Variants in UBE3C observed in about 807,000 individuals in gnomAD.
The protein encoded by UBE3C is ubiquitin protein ligase E3C.
Under a neutral mutation model 129.4 loss-of-function variants are expected in UBE3C, and 42 were observed. That is an observed-to-expected ratio of 0.32 (90% confidence interval 0.25 to 0.42). The LOEUF is 0.42. Among genes scored for constraint, UBE3C ranks in the 10% least tolerant of loss-of-function variants. The pLI is 1.00. For synonymous variants in UBE3C, 510 were observed against 492.4 expected (o/e 1.04, Z -0.47); for missense variants, 1,049 against 1,319.1 (o/e 0.80, Z 3.17).
intron 5 of UBE3C, 33 bp from the exon 6 acceptor site, chr7:157,178,657 G>A: frequency 6.2e-7 from 1 of 1,600,194 alleles, no homozygotes; most frequent in Non-Finnish European, 8.5e-7. Flanking sequence ...TTGCCATCCT[G>A]TAAGTGTGTG....
chr7:157,183,748 C>G (rs1335419975), intron 8 of UBE3C, 130 bp from the exon 9 acceptor site: 1 of 1,141,018 alleles, frequency 8.8e-7, no homozygotes, highest in Non-Finnish European at 1.2e-6. Flanking sequence ...TATTATAACA[C>G]AGTTAGAATT....
chr7:157,191,845 G>GA (rs897607250), intron 10 of UBE3C, among the ~76,000 whole-genome samples: 2 of 151,928 alleles, frequency 1.3e-5, no homozygotes, highest in Admixed American at 1.3e-4. Flanking sequence ...TAATATTTTG[G>GA]AAAAAATATT....
rs1005134444 is a variant in UBE3C at position 157,187,132 on chromosome 7, A to G, written c.1331+111A>G. 8.0e-6 allele frequency: 10 copies of G among 1,254,546 alleles called. No individual in the cohort carries two copies. In the Admixed American group the frequency reaches 2.4e-4, roughly 31 times the overall value. 77.7% of individuals were successfully genotyped at this position (1,254,546 alleles called of 1,614,324 possible). The stretch of plus-strand genomic sequence containing the variant: ...GTCTGCTCTTTTCTGGTAGAGATTG[A>G]TGTAGGATATTCTACTGTCCAAGCG... On this transcript the variant is annotated intron_variant, in intron 10 of 22. Coordinates refer to ENST00000348165, the MANE Select transcript of UBE3C (RefSeq NM_014671.3).
chr7:157,203,645 G>A (rs887969508), intron 11 of UBE3C, among the ~76,000 whole-genome samples: 4 of 152,126 alleles, frequency 2.6e-5, no homozygotes, highest in Admixed American at 2.6e-4. Context: ...AGAAAAGTGG[G>A]ATATTGTTAA....
At position 157,178,673 on chromosome 7, in the gene UBE3C, T is replaced by G. The variant is rs762922341; in HGVS notation, c.459-17T>G. 3 of 1,609,814 alleles carry G rather than the reference T, an allele frequency of 1.9e-6. No individual in the cohort carries two copies. In the South Asian group the frequency reaches 3.3e-5, roughly 18 times the overall value. On this transcript the variant is annotated splice_polypyrimidine_tract_variant and intron_variant, in intron 5 of 22. Transcript: ENST00000348165. ...TGCCATCCTGTAAGTGTGTGAATAC[T>G]TTTTTCATTTTTACAGGTTGCTGCA...
chr7:157,252,035 C>CTGAA (rs1464639421), intron 19 of UBE3C, among the ~76,000 whole-genome samples: 1 of 152,052 alleles, frequency 6.6e-6, no homozygotes, highest in Non-Finnish European at 1.5e-5. Context: ...ACTCGGGAGG[C>CTGAA]TGAAGCACAA....
intron 10 of UBE3C, chr7:157,197,779 A>G (rs1263665996): frequency 6.2e-7 from 1 of 1,613,036 alleles, no homozygotes; most frequent in African/African-American, 1.3e-5. Flanking sequence ...GTACTATTGA[A>G]TCTTTGTATC....
chr7:157,230,711 A>AAG lies in UBE3C; in HGVS notation c.2234-368_2234-367insGA, dbSNP rs1554434816. Among the ~76,000 whole-genome samples the AAG allele has an allele frequency of 2.7e-3, 390 of 143,334 alleles. 16 individuals carry two copies. The East Asian group carries it at 0.032, about 12-fold the overall frequency. 94.0% of individuals were successfully genotyped at this position (143,334 alleles called of 152,430 possible). ...CCCCGTCTCAAAAAAAAAAAAAAAA[A>AAG]AAACCTCCTAATGTTTTAAGAATTT... On this transcript the variant is annotated intron_variant, in intron 17 of 22. Coordinates refer to ENST00000348165, the MANE Select transcript of UBE3C (RefSeq NM_014671.3).
intron 19 of UBE3C, among the ~76,000 whole-genome samples, chr7:157,252,515 AC>A (rs1470367963): frequency 2.6e-5 from 4 of 152,260 alleles, no homozygotes; most frequent in Admixed American, 1.3e-4. Context: ...AAAATGTGAA[AC>A]GTTAAAAGAA....
At chr7:157,248,696 C>T in intron 19 of UBE3C, 116 bp downstream of exon 19, 1 of 1,155,292 alleles carries the variant, frequency 8.7e-7, no homozygotes. Context: ...GTTAGAATGA[C>T]TGTGGCTGTG....
chr7:157,168,084 GC>G (rs1808266190), intron 2 of UBE3C, among the ~76,000 whole-genome samples: 1 of 152,000 alleles, frequency 6.6e-6, no homozygotes, highest in Non-Finnish European at 1.5e-5. Context: ...GGGCACGGTG[GC>G]TCATGCCTGT....
At chr7:157,209,449 A>G (rs973039527) in intron 13 of UBE3C, among the ~76,000 whole-genome samples, 2 of 152,230 alleles carry the variant, frequency 1.3e-5, no homozygotes, top group African/African-American at 4.8e-5. Context: ...AGCCTTTACT[A>G]TATCCTTTCT....
intron 2 of UBE3C, among the ~76,000 whole-genome samples, chr7:157,164,787 G>C (rs1808168675): frequency 6.6e-6 from 1 of 152,094 alleles, no homozygotes; most frequent in African/African-American, 2.4e-5. Context: ...AGACAGACAA[G>C]GTTCCTGCCG....
intron 1 of UBE3C, among the ~76,000 whole-genome samples, chr7:157,158,816 T>G (rs1807988887): frequency 6.6e-6 from 1 of 152,332 alleles, no homozygotes; most frequent in African/African-American, 2.4e-5. Context: ...CTATTGTTGA[T>G]TTTATGACAA....
intron 6 of UBE3C, among the ~76,000 whole-genome samples, 195 bp downstream of exon 6, chr7:157,179,042 T>G (rs570582755): frequency 7.9e-5 from 12 of 152,078 alleles, no homozygotes; most frequent in South Asian, 2.1e-4. Context: ...CCACCCACTC[T>G]GAAAATTCAG....
intron 17 of UBE3C, among the ~76,000 whole-genome samples, chr7:157,225,750 G>A (rs111496969): frequency 0.016 from 2,378 of 152,184 alleles, 44 homozygotes; most frequent in African/African-American, 0.044. Context: ...GGAGTTAGAG[G>A]CCAGCCTGGG....
chr7:157,199,171 C>T (rs1207898848), intron 10 of UBE3C, among the ~76,000 whole-genome samples: 1 of 152,166 alleles, frequency 6.6e-6, no homozygotes, highest in Middle Eastern at 3.2e-3. Flanking sequence ...GTTTTAATAA[C>T]ATTTTTTAAA....
chr7:157,171,029 C>T (rs1042732672), intron 4 of UBE3C, among the ~76,000 whole-genome samples: 28 of 151,612 alleles, frequency 1.8e-4, no homozygotes, highest in Non-Finnish European at 3.1e-4. Flanking sequence ...CCAGGCTGGT[C>T]GTGAACTTCT....
chr7:157,233,076 C>T (rs1257374548), intron 18 of UBE3C, among the ~76,000 whole-genome samples: 2 of 151,878 alleles, frequency 1.3e-5, no homozygotes, highest in African/African-American at 4.8e-5. Context: ...CCTGGCCAAC[C>T]ACTAGTCTAC....
Sources: gnomAD v4.1 joint callset for allele counts (sites outside exome capture counted in the v4.1 genomes callset) on GRCh38, gnomAD v4.1.1 for gene constraint, MANE v1.5 for transcripts, NCBI Gene and HGNC (gene_info 2026-07-23, HGNC 2026-07-21) for gene names.